The following NTNG1 variants were observed in gnomAD, a reference collection of about 807,000 sequenced individuals.
NTNG1 encodes netrin G1.
A neutral mutation model predicts 54.0 loss-of-function variants in NTNG1; 16 were observed. That is an observed-to-expected ratio of 0.30 (90% CI 0.20 to 0.45). NTNG1 has a LOEUF of 0.45. Among genes scored for constraint, NTNG1 ranks in the 20% least tolerant of loss-of-function variants. The pLI, the probability that NTNG1 is intolerant of heterozygous loss-of-function variation, is 1.00. For missense variants in NTNG1, 530 were observed against 678.7 expected, an observed-to-expected ratio of 0.78 and a Z score of 2.43; for synonymous variants, 255 against 263.1, an observed-to-expected ratio of 0.97 and a Z score of 0.30.
In NTNG1 at chr1:107,266,333, C is replaced by T. The variant is rs372794472; in HGVS notation, c.247-57949C>T. 7.0e-4 allele frequency among the ~76,000 whole-genome samples: 107 copies of T among 152,200 alleles called. 4 individuals are homozygous for T. The South Asian group carries it at 0.021, about 29-fold the overall frequency. On this transcript the variant is annotated intron_variant, in intron 2 of 7. Transcript: ENST00000370068. ...TAGATTTAATTGGCTCATGGTTCTG[C>T]GGGCTGTACAGGAAGCAAGGCTGGG...
chr1:107,291,785 G>A (rs1385763361), intron 2 of NTNG1, among the ~76,000 whole-genome samples: 1 of 152,032 alleles, frequency 6.6e-6, no homozygotes. Flanking sequence ...TAAAACCAAA[G>A]CTAGGATCCA....
intron 2 of NTNG1, among the ~76,000 whole-genome samples, chr1:107,170,174 A>G (rs1228664703): frequency 6.6e-6 from 1 of 152,212 alleles, no homozygotes; most frequent in Non-Finnish European, 1.5e-5. Context: ...CAAAAAGACC[A>G]TCACCTCTAC....
At chr1:107,288,050 T>C (rs1033474283) in intron 2 of NTNG1, among the ~76,000 whole-genome samples, 1 of 151,958 alleles carries the variant, frequency 6.6e-6, no homozygotes. Context: ...GAGTGAAGCC[T>C]AAAGGAAGAA....
At chr1:107,336,420 C>G (rs12405859) in intron 3 of NTNG1, among the ~76,000 whole-genome samples, 10,065 of 151,410 alleles carry the variant, frequency 0.066, 507 homozygotes, top group East Asian at 0.16. Context: ...GCAAGAAAAA[C>G]AAACCAAAAA....
chr1:107,231,224 A>G (rs892118293), intron 2 of NTNG1, among the ~76,000 whole-genome samples: 1 of 152,186 alleles, frequency 6.6e-6, no homozygotes. Context: ...ATAAAAATCA[A>G]TTCTAATTAA....
chr1:107,223,564 GAC>G (rs1660489146), intron 2 of NTNG1, among the ~76,000 whole-genome samples: 1 of 152,082 alleles, frequency 6.6e-6, no homozygotes, highest in Non-Finnish European at 1.5e-5. Flanking sequence ...AAATCAGAAT[GAC>G]ACTATGTTTT....
intron 2 of NTNG1, among the ~76,000 whole-genome samples, chr1:107,177,975 A>C (rs752263033): frequency 1.5e-4 from 23 of 152,152 alleles, no homozygotes; most frequent in Non-Finnish European, 2.6e-4. Context: ...GTAAGTTGAG[A>C]ACTTGACTGC....
intron 7 of NTNG1, among the ~76,000 whole-genome samples, chr1:107,479,498 TG>T (rs1210024124): frequency 4.6e-5 from 7 of 152,240 alleles, no homozygotes; most frequent in African/African-American, 1.7e-4. Flanking sequence ...AAATGGAAAA[TG>T]TTACAATTTA....
chr1:107,152,419 A>C (rs1052157158), intron 2 of NTNG1, among the ~76,000 whole-genome samples: 2 of 152,214 alleles, frequency 1.3e-5, no homozygotes, highest in Non-Finnish European at 2.9e-5. Flanking sequence ...ACACAAAGCT[A>C]TGACTTTTTC....
chr1:107,222,392 T>C (rs868269297), intron 2 of NTNG1, among the ~76,000 whole-genome samples: 1 of 152,286 alleles, frequency 6.6e-6, no homozygotes, highest in East Asian at 1.9e-4. Context: ...ATGAGTTACT[T>C]GATGTAGCTA....
intron 7 of NTNG1, among the ~76,000 whole-genome samples, chr1:107,462,536 T>G (rs1247277812): frequency 3.9e-5 from 6 of 152,156 alleles, no homozygotes; most frequent in African/African-American, 1.4e-4. Context: ...TTTGTTACTA[T>G]TATTATCCTG....
chr1:107,220,920 C>A (rs956561960), intron 2 of NTNG1, among the ~76,000 whole-genome samples: 1 of 152,096 alleles, frequency 6.6e-6, no homozygotes, highest in African/African-American at 2.4e-5. Context: ...TGATGTGTTT[C>A]ATTCCAATCA....
chr1:107,169,825 G>A (rs140979319), intron 2 of NTNG1, among the ~76,000 whole-genome samples: 89 of 152,280 alleles, frequency 5.8e-4, no homozygotes, highest in African/African-American at 1.8e-3. Context: ...ATTAAGAGAT[G>A]CCTCGCAAAG....
At chr1:107,146,842 T>C (rs920463922) in intron 1 of NTNG1, among the ~76,000 whole-genome samples, 5 of 152,062 alleles carry the variant, frequency 3.3e-5, no homozygotes, top group African/African-American at 9.7e-5. Flanking sequence ...CATTTTAAGA[T>C]GGTACATTAT....
At chr1:107,328,355 A>G (rs1668084567) in intron 3 of NTNG1, among the ~76,000 whole-genome samples, 1 of 152,126 alleles carries the variant, frequency 6.6e-6, no homozygotes, top group Non-Finnish European at 1.5e-5. Flanking sequence ...TAATACTACA[A>G]TAATATCACT....
intron 2 of NTNG1, among the ~76,000 whole-genome samples, chr1:107,196,074 A>ATAG (rs1658299222): frequency 6.6e-6 from 1 of 152,028 alleles, no homozygotes; most frequent in South Asian, 2.1e-4. Flanking sequence ...GGCCTGGCAC[A>ATAG]TAGTAGTAGG....
chr1:107,226,508 A>G (rs1309976932), intron 2 of NTNG1, among the ~76,000 whole-genome samples: 3 of 152,156 alleles, frequency 2.0e-5, no homozygotes, highest in Non-Finnish European at 4.4e-5. Flanking sequence ...TCGCATGCAG[A>G]CAAGGAGCTC....
intron 2 of NTNG1, among the ~76,000 whole-genome samples, chr1:107,216,686 C>CTT (rs369687969): frequency 2.1e-4 from 30 of 139,892 alleles, no homozygotes; most frequent in African/African-American, 5.5e-4. Flanking sequence ...AGGATTCCCT[C>CTT]TTTTTTTTTT....
intron 2 of NTNG1, among the ~76,000 whole-genome samples, chr1:107,212,954 C>T (rs1659692076): frequency 6.6e-6 from 1 of 151,818 alleles, no homozygotes; most frequent in Admixed American, 6.6e-5. Context: ...TGGGAACATC[C>T]CAGGGCAATG....
Sources: gnomAD v4.1 joint callset for allele counts (sites outside exome capture counted in the v4.1 genomes callset) on GRCh38, gnomAD v4.1.1 for gene constraint, MANE v1.5 for transcripts, NCBI Gene and HGNC (gene_info 2026-07-23, HGNC 2026-07-21) for gene names.